The following UNC5C variants were observed in gnomAD, a reference collection of about 807,000 sequenced individuals.
UNC5C encodes unc-5 netrin receptor C.
Under a neutral mutation model 99.8 loss-of-function variants are expected in UNC5C, and 47 were observed. The ratio of observed to expected loss-of-function variants is 0.47; its 90% CI spans 0.37 to 0.60. The LOEUF is 0.60. Among genes scored for constraint, UNC5C ranks in the 20% least tolerant of loss-of-function variants. The pLI, the probability that UNC5C is intolerant of heterozygous loss-of-function variation, is 0.00. For synonymous variants in UNC5C, 487 were observed against 452.2 expected (o/e 1.08, Z -0.98); for missense variants, 1,062 against 1,165.9 (o/e 0.91, Z 1.30).
At chr4:95,389,894 T>G (rs2149444702) in intron 1 of UNC5C, among the ~76,000 whole-genome samples, 1 of 152,328 alleles carries the variant, frequency 6.6e-6, no homozygotes, top group South Asian at 2.1e-4. Context: ...TAATTTTAGC[T>G]GCTTCTTTTC....
At chr4:95,401,191 T>C (rs1247255274) in intron 1 of UNC5C, among the ~76,000 whole-genome samples, 1 of 152,166 alleles carries the variant, frequency 6.6e-6, no homozygotes, top group Non-Finnish European at 1.5e-5. Flanking sequence ...GTAGAGTGCC[T>C]ACCATGTGCA....
intron 13 of UNC5C, among the ~76,000 whole-genome samples, chr4:95,183,393 AAAG>A (rs970262260): frequency 1.8e-4 from 28 of 152,332 alleles, no homozygotes; most frequent in Admixed American, 4.6e-4. Context: ...TAAAAAAAAA[AAAG>A]AGTTTATACA....
intron 1 of UNC5C, among the ~76,000 whole-genome samples, chr4:95,371,527 C>A (rs1197398621): frequency 1.3e-5 from 2 of 151,876 alleles, no homozygotes; most frequent in Admixed American, 6.6e-5. Context: ...AGTCCTGCAT[C>A]TACATACATT....
intron 1 of UNC5C, among the ~76,000 whole-genome samples, chr4:95,455,886 T>C (rs1017680337): frequency 6.6e-5 from 10 of 152,130 alleles, no homozygotes; most frequent in South Asian, 2.1e-4. Flanking sequence ...GTAACAAGTA[T>C]GTTTTTCATT....
At chr4:95,348,769 T>C (rs1743873844) in intron 1 of UNC5C, among the ~76,000 whole-genome samples, 1 of 151,398 alleles carries the variant, frequency 6.6e-6, no homozygotes, top group Admixed American at 6.6e-5. Context: ...TTTTTATGAC[T>C]GAATGGTATT....
chr4:95,473,062 AG>A (rs1479745933), intron 1 of UNC5C, among the ~76,000 whole-genome samples: 1 of 152,138 alleles, frequency 6.6e-6, no homozygotes, highest in Non-Finnish European at 1.5e-5. Flanking sequence ...CCAACAGTAC[AG>A]GGCATTTGGA....
chr4:95,470,857 A>T (rs1747945620), intron 1 of UNC5C, among the ~76,000 whole-genome samples: 1 of 152,120 alleles, frequency 6.6e-6, no homozygotes, highest in South Asian at 2.1e-4. Context: ...ATTCATTTTA[A>T]TTTGTAAGGG....
chr4:95,261,948 C>A (rs767525840), intron 4 of UNC5C, among the ~76,000 whole-genome samples: 1 of 152,138 alleles, frequency 6.6e-6, no homozygotes. Flanking sequence ...CATGATCTGC[C>A]GGCCTCAGCC....
At chr4:95,506,559 C>CAT (rs1332816857) in intron 1 of UNC5C, among the ~76,000 whole-genome samples, 3 of 151,878 alleles carry the variant, frequency 2.0e-5, no homozygotes, top group East Asian at 3.9e-4. Flanking sequence ...TGTTACTTTA[C>CAT]ATTTTTAAAA....
At chr4:95,202,674 C>A in intron 12 of UNC5C, 57 bp downstream of exon 12, 14 of 1,553,728 alleles carry the variant, frequency 9.0e-6, no homozygotes, top group Non-Finnish European at 1.1e-5. Flanking sequence ...CACAGCCGTG[C>A]AAAACCTTGG....
At chr4:95,435,791 T>C (rs1578162053) in intron 1 of UNC5C, among the ~76,000 whole-genome samples, 1 of 152,198 alleles carries the variant, frequency 6.6e-6, no homozygotes, top group African/African-American at 2.4e-5. Flanking sequence ...GTGAAGTCCA[T>C]ATTTATTGTA....
chr4:95,239,293 T>G (rs1334599179), intron 7 of UNC5C, among the ~76,000 whole-genome samples: 2 of 152,214 alleles, frequency 1.3e-5, no homozygotes, highest in Non-Finnish European at 2.9e-5. Flanking sequence ...GGTGAGGTTA[T>G]GGTTTTACTA....
chr4:95,460,829 AC>A (rs1272574775), intron 1 of UNC5C, among the ~76,000 whole-genome samples: 2 of 152,176 alleles, frequency 1.3e-5, no homozygotes, highest in Non-Finnish European at 2.9e-5. Flanking sequence ...ATACTTCATC[AC>A]ATTCCTGGGT....
chr4:95,204,221 G>A (rs1202056622), intron 11 of UNC5C, among the ~76,000 whole-genome samples: 1 of 152,190 alleles, frequency 6.6e-6, no homozygotes, highest in Non-Finnish European at 1.5e-5. Flanking sequence ...ATAAATGGAA[G>A]TGATGATTTT....
intron 14 of UNC5C, among the ~76,000 whole-genome samples, chr4:95,171,330 C>A (rs954518794): frequency 1.3e-5 from 2 of 151,024 alleles, no homozygotes; most frequent in East Asian, 2.0e-4. Context: ...TGCGCTGCAC[C>A]CACTAACTCA....
intron 8 of UNC5C, among the ~76,000 whole-genome samples, 173 bp downstream of exon 8, chr4:95,219,812 G>A (rs1256973812): frequency 6.6e-6 from 1 of 152,184 alleles, no homozygotes; most frequent in African/African-American, 2.4e-5. Context: ...GATTTATCTT[G>A]TTAACTCTAA....
intron 3 of UNC5C, among the ~76,000 whole-genome samples, chr4:95,300,182 A>G (rs1407280874): frequency 2.6e-5 from 4 of 152,242 alleles, no homozygotes; most frequent in Admixed American, 6.5e-5. Flanking sequence ...ATTTCTCAAT[A>G]TGAAACCTTG....
chr4:95,181,629 G>A (rs1210386401), intron 14 of UNC5C, among the ~76,000 whole-genome samples: 1 of 152,104 alleles, frequency 6.6e-6, no homozygotes, highest in Non-Finnish European at 1.5e-5. Flanking sequence ...GCATCCGAAG[G>A]CCTGGCGGTT....
chr4:95,257,413 G>T (rs1441944984), intron 4 of UNC5C, among the ~76,000 whole-genome samples: 1 of 149,030 alleles, frequency 6.7e-6, no homozygotes, highest in Non-Finnish European at 1.5e-5. Flanking sequence ...CCAAAAAACA[G>T]AAAAGAAAAG....
Sources: allele counts gnomAD v4.1 joint callset (sites outside exome capture counted in the v4.1 genomes callset), GRCh38; gene constraint gnomAD v4.1.1; transcripts MANE v1.5; gene names NCBI Gene and HGNC (gene_info 2026-07-23, HGNC 2026-07-21).